The following TMEM135 variants were observed in gnomAD, a reference collection of about 807,000 sequenced individuals.
The protein encoded by TMEM135 is peroxisomal membrane protein 52.
A neutral mutation model predicts 60.3 loss-of-function variants in TMEM135; 30 were observed. The ratio of observed to expected loss-of-function variants is 0.50; its 90% CI spans 0.37 to 0.68. The LOEUF is 0.68. Among genes scored for constraint, TMEM135 ranks in the 30% least tolerant of loss-of-function variants. TMEM135 has a pLI of 0.00. For missense variants in TMEM135, 468 were observed against 548.8 expected, an observed-to-expected ratio of 0.85 and a Z score of 1.47; for synonymous variants, 190 against 186.7, an observed-to-expected ratio of 1.02 and a Z score of -0.14.
At chr11:87,040,815 A>G (rs541464154) in intron 1 of TMEM135, among the ~76,000 whole-genome samples, 14 of 152,228 alleles carry the variant, frequency 9.2e-5, no homozygotes, top group Non-Finnish European at 1.9e-4. Flanking sequence ...CTAGTTTATC[A>G]TAGGTTTTGA....
chr11:87,118,420 G>A (rs1447150225), intron 4 of TMEM135, among the ~76,000 whole-genome samples: 2 of 151,680 alleles, frequency 1.3e-5, no homozygotes, highest in African/African-American at 4.8e-5. Context: ...AACAATCTTG[G>A]CTAGATCTTC....
chr11:87,260,923 C>T (rs1373556092), intron 6 of TMEM135, among the ~76,000 whole-genome samples: 1 of 152,096 alleles, frequency 6.6e-6, no homozygotes, highest in Non-Finnish European at 1.5e-5. Context: ...TTCAGTAGTT[C>T]CAACACTCTC....
chr11:87,161,072 G>GC (rs925478404), intron 5 of TMEM135, among the ~76,000 whole-genome samples: 1 of 151,962 alleles, frequency 6.6e-6, no homozygotes, highest in African/African-American at 2.4e-5. Flanking sequence ...ACTAATTTTT[G>GC]TTTTTTTAGT....
At chr11:87,081,094 T>TTG (rs1856983096) in intron 3 of TMEM135, among the ~76,000 whole-genome samples, 1 of 30,798 alleles carries the variant, frequency 3.2e-5, no homozygotes, top group African/African-American at 2.9e-4. Context: ...ATAATTAAAG[T>TTG]TTTTTTTTTT....
intron 1 of TMEM135, among the ~76,000 whole-genome samples, chr11:87,049,907 T>A (rs2135113661): frequency 9.4e-6 from 1 of 106,146 alleles, no homozygotes; most frequent in East Asian, 2.9e-4. Context: ...ATTGACCACA[T>A]AGTTGGAAGT....
chr11:87,155,079 A>C (rs370903797), intron 4 of TMEM135, among the ~76,000 whole-genome samples: 2 of 129,902 alleles, frequency 1.5e-5, no homozygotes, highest in Non-Finnish European at 3.3e-5. Flanking sequence ...GCTCACTGCA[A>C]CCTCCGTCTC....
intron 5 of TMEM135, among the ~76,000 whole-genome samples, chr11:87,230,698 G>A (rs1337899174): frequency 6.6e-6 from 1 of 152,056 alleles, no homozygotes; most frequent in Non-Finnish European, 1.5e-5. Context: ...CAGTGAAAAT[G>A]TCATTCACTG....
intron 14 of TMEM135, 31 bp from the exon 15 acceptor site, chr11:87,321,170 A>T (rs918301224): frequency 6.3e-7 from 1 of 1,582,822 alleles, no homozygotes; most frequent in Non-Finnish European, 8.7e-7. Context: ...AACTATATTA[A>T]TACTTGTTTA....
At chr11:87,266,560 T>G (rs1473432419) in intron 6 of TMEM135, among the ~76,000 whole-genome samples, 1 of 152,182 alleles carries the variant, frequency 6.6e-6, no homozygotes, top group Non-Finnish European at 1.5e-5. Context: ...TTGTCTCTCT[T>G]TTTTTCATTG....
At chr11:87,226,645 A>G (rs1167811372) in intron 5 of TMEM135, among the ~76,000 whole-genome samples, 1 of 152,238 alleles carries the variant, frequency 6.6e-6, no homozygotes, top group South Asian at 2.1e-4. Context: ...AGGATAGCAT[A>G]TAGGCTGTAC....
intron 5 of TMEM135, among the ~76,000 whole-genome samples, chr11:87,222,039 C>T (rs1004044643): frequency 6.6e-6 from 1 of 151,466 alleles, no homozygotes; most frequent in African/African-American, 2.4e-5. Flanking sequence ...AAAAAATTAG[C>T]CAGGCGGTGG....
chr11:87,323,596 AC>A lies in TMEM135; in HGVS notation c.*2264del, dbSNP rs2134545426. On this transcript the variant is annotated 3_prime_UTR_variant, in exon 15 of 15. Coordinates refer to ENST00000305494, the MANE Select transcript of TMEM135 (RefSeq NM_022918.4). Reference sequence around the variant, plus strand: ...TTTTCACTGGAACTGATTACAGTAAACAATAATATGTCCCCTTAGTCTTTCT... The same window carrying A: ...TTTTCACTGGAACTGATTACAGTAAAAATAATATGTCCCCTTAGTCTTTCT... 2.2e-6 allele frequency: 1 copy of A among 453,802 alleles called. No homozygotes were observed. Among genetic ancestry groups the A allele is most frequent in the Non-Finnish European group, 4.4e-6 (1 of 226,710 alleles). 28.1% of individuals were successfully genotyped at this position (453,802 alleles called of 1,614,324 possible).
chr11:87,094,635 G>T, intron 4 of TMEM135: 1 of 155,740 alleles, frequency 6.4e-6, no homozygotes. Flanking sequence ...GAGGGCAGTA[G>T]CCCAAGACCA....
chr11:87,037,972 C>T lies in TMEM135; in HGVS notation c.-74C>T, dbSNP rs775652274. Reference sequence around the variant, plus strand: ...GAGTGCTGGCCGGGCGAGAGGCTGGCGGCTGGGCTCTCGCGCCCCTCCCTG... The same window carrying T: ...GAGTGCTGGCCGGGCGAGAGGCTGGTGGCTGGGCTCTCGCGCCCCTCCCTG... On this transcript the variant is annotated 5_prime_UTR_variant, in exon 1 of 15. Coordinates refer to ENST00000305494, the MANE Select transcript of TMEM135 (RefSeq NM_022918.4). The T allele has an allele frequency of 6.2e-7, 1 of 1,600,832 alleles. No individual in the cohort carries two copies. Among genetic ancestry groups the T allele is most frequent in the Non-Finnish European group, 8.5e-7 (1 of 1,175,328 alleles).
At chr11:87,094,197 T>C (rs1187932147) in intron 4 of TMEM135, among the ~76,000 whole-genome samples, 2 of 152,188 alleles carry the variant, frequency 1.3e-5, no homozygotes, top group Non-Finnish European at 2.9e-5. Context: ...CCAGCTTTGT[T>C]TGGAGACTGC....
At chr11:87,306,628 T>C (rs2135444680) in intron 9 of TMEM135, among the ~76,000 whole-genome samples, 1 of 152,150 alleles carries the variant, frequency 6.6e-6, no homozygotes, top group East Asian at 1.9e-4. Context: ...CCTCCTCCCT[T>C]CCCCCATCAC....
At chr11:87,274,285 T>TG (rs36044870) in intron 6 of TMEM135, among the ~76,000 whole-genome samples, 55,680 of 152,058 alleles carry the variant, frequency 0.37, 10,861 homozygotes, top group Non-Finnish European at 0.43. Context: ...AATTGGTAAC[T>TG]TAAATCTGTG....
At chr11:87,067,940 G>C (rs2135137202) in intron 2 of TMEM135, 119 bp downstream of exon 2, 2 of 1,249,938 alleles carry the variant, frequency 1.6e-6, no homozygotes, top group South Asian at 1.3e-5. Flanking sequence ...TTTTTAATCT[G>C]TGAAGTGACA....
At chr11:87,241,117 G>A (rs1255524795) in intron 6 of TMEM135, among the ~76,000 whole-genome samples, 2 of 152,138 alleles carry the variant, frequency 1.3e-5, no homozygotes, top group South Asian at 2.1e-4. Flanking sequence ...TAGTCTCAAG[G>A]TGTAGATTTA....
Sources: allele counts gnomAD v4.1 joint callset (sites outside exome capture counted in the v4.1 genomes callset), GRCh38; gene constraint gnomAD v4.1.1; transcripts MANE v1.5; gene names NCBI Gene and HGNC (gene_info 2026-07-23, HGNC 2026-07-21).